BCAS3: variants seen among roughly 807,000 people sequenced by gnomAD.
The protein encoded by BCAS3 is BCAS4/BCAS3 fusion.
BCAS3 carries 53 observed loss-of-function variants against 116.1 expected under a neutral mutation model. The ratio of observed to expected loss-of-function variants is 0.46; its 90% confidence interval spans 0.37 to 0.57. The LOEUF is 0.57. Ranked by LOEUF, BCAS3 falls within the 20% of genes least tolerant of loss-of-function variation. The probability of loss-of-function intolerance (pLI) is 0.00; values close to 1 mark genes in which losing one functional copy is unlikely to be tolerated. For missense variants in BCAS3, 917 were observed against 1,165.4 expected (o/e 0.79, Z 3.10); for synonymous variants, 391 against 408.2 (o/e 0.96, Z 0.51).
intron 22 of BCAS3, among the ~76,000 whole-genome samples, chr17:61,185,658 GA>G (rs998556591): frequency 1.3e-5 from 2 of 151,094 alleles, no homozygotes; most frequent in African/African-American, 4.8e-5. Flanking sequence ...GTGCAAGACA[GA>G]AAAAAAAATC....
Position 61,241,938 on chromosome 17 carries a change from AAG to A in BCAS3, c.2426-126388_2426-126387del, listed in dbSNP as rs1783851171. Reference sequence around the variant, plus strand: ...TAAAGAGGAATCATTTCTCAGTGTTAAGTATATCTGGGACCAGAAATGGCTCT... The same window carrying A: ...TAAAGAGGAATCATTTCTCAGTGTTATATATCTGGGACCAGAAATGGCTCT... On this transcript the variant is annotated intron_variant, in intron 22 of 23. Coordinates refer to ENST00000407086, the MANE Select transcript of BCAS3 (RefSeq NM_017679.5). The surrounding 1 kb of genome is among the most constrained non-coding windows in gnomAD (Gnocchi z 4.6). 6.6e-6 allele frequency among the ~76,000 whole-genome samples: 1 copy of A among 152,164 alleles called. No individual in the cohort carries two copies. Among genetic ancestry groups the A allele is most frequent in the Admixed American group, 6.5e-5 (1 of 15,278 alleles).
Position 61,087,129 on chromosome 17 carries a change from T to C in BCAS3, c.2425+2565T>C. 2 of 985,254 alleles carry C rather than the reference T, an allele frequency of 2.0e-6. No homozygotes were observed. The highest frequency in any genetic ancestry group is 2.4e-6 in the Non-Finnish European group (2 of 829,726). 61.0% of individuals were successfully genotyped at this position (985,254 alleles called of 1,614,324 possible). A position where few individuals can be genotyped will look rare whatever the true frequency, so the allele number is the denominator to read the frequency against. On this transcript the variant is annotated intron_variant, in intron 22 of 23. Coordinates refer to ENST00000407086, the MANE Select transcript of BCAS3 (RefSeq NM_017679.5). The surrounding 1 kb of genome is among the most constrained non-coding windows in gnomAD (Gnocchi z 4.6). ...AAAAGAATCTAATAAATTTTTATAA[T>C]TGCTCTTGAACCGGGAAGTGCACCT...
At chr17:60,882,515 C>A (rs1234210070) in intron 9 of BCAS3, among the ~76,000 whole-genome samples, 2 of 151,954 alleles carry the variant, frequency 1.3e-5, no homozygotes, top group Non-Finnish European at 2.9e-5. Flanking sequence ...AAGTCCTTGC[C>A]CATGCCTATG....
chr17:60,950,566 C>G, intron 14 of BCAS3, among the ~76,000 whole-genome samples: 1 of 152,200 alleles, frequency 6.6e-6, no homozygotes, highest in Non-Finnish European at 1.5e-5. Flanking sequence ...CCACCTGGGT[C>G]TTCCACAGTG....
chr17:61,218,143 G>A (rs1412187652), intron 22 of BCAS3, among the ~76,000 whole-genome samples: 22 of 152,150 alleles, frequency 1.4e-4, no homozygotes, highest in Admixed American at 1.4e-3. Flanking sequence ...ATTAAATTGG[G>A]CATCTTACAA....
intron 23 of BCAS3, chr17:61,389,625 G>C (rs1053784526): frequency 3.3e-5 from 5 of 152,310 alleles, no homozygotes; most frequent in Non-Finnish European, 7.3e-5. Context: ...CTGGGATGCG[G>C]GGGCGAGGGA....
At chr17:60,733,683 A>G (rs1259480257) in intron 5 of BCAS3, among the ~76,000 whole-genome samples, 2 of 152,016 alleles carry the variant, frequency 1.3e-5, no homozygotes, top group African/African-American at 2.4e-5. Flanking sequence ...TCTCTACAAA[A>G]AAATTTTTAA....
intron 10 of BCAS3, 56 bp from the exon 11 acceptor site, chr17:60,902,564 G>T: frequency 7.2e-7 from 1 of 1,379,976 alleles, no homozygotes; most frequent in South Asian, 1.2e-5. Flanking sequence ...ATAGCCTGTA[G>T]AGTTAAACAG....
chr17:61,294,142 A>G (rs2144715589), intron 22 of BCAS3, among the ~76,000 whole-genome samples: 1 of 152,332 alleles, frequency 6.6e-6, no homozygotes, highest in East Asian at 1.9e-4. Flanking sequence ...CAGTCTCCAA[A>G]ATAAGTTATT....
intron 19 of BCAS3, among the ~76,000 whole-genome samples, chr17:61,061,203 A>G (rs1014369537): frequency 7.2e-5 from 11 of 152,218 alleles, no homozygotes; most frequent in Non-Finnish European, 1.3e-4. Flanking sequence ...TCTCCATGCC[A>G]GGGCAACTTT....
intron 9 of BCAS3, 22 bp from the exon 10 acceptor site, chr17:60,889,673 A>G (rs1466994560): frequency 2.5e-6 from 4 of 1,592,124 alleles, no homozygotes; most frequent in Non-Finnish European, 2.6e-6. Context: ...ATTTCTCAAT[A>G]GTGCCATTTG....
Position 61,122,851 on chromosome 17 carries a change from G to C in BCAS3, c.2425+38287G>C, listed in dbSNP as rs2075854836. Among the ~76,000 whole-genome samples the C allele has an allele frequency of 6.6e-6, 1 of 152,010 alleles. No individual in the cohort carries two copies. Among genetic ancestry groups the C allele is most frequent in the Non-Finnish European group, 1.5e-5 (1 of 68,010 alleles). On this transcript the variant is annotated intron_variant, in intron 22 of 23. Transcript: ENST00000407086. The surrounding 1 kb of genome is among the most constrained non-coding windows in gnomAD (Gnocchi z 4.6). The stretch of plus-strand genomic sequence containing the variant: ...GGCTATTGGAATTCACATACAGTTT[G>C]CATTTACTTTGATTTATGTTTAAAT...
rs540258691 is a variant in BCAS3 at position 60,946,996 on chromosome 17, A to C, written c.1088-223A>C. ...GCTAGTTTTACAGGAATGCCATAAT[A>C]CTTGCACATCTAGTGTTTATACCTT... On this transcript the variant is annotated intron_variant, in intron 13 of 23. Transcript: ENST00000407086. Among the ~76,000 whole-genome samples the C allele has an allele frequency of 2.0e-5, 3 of 152,352 alleles. No individual in the cohort carries two copies. In the East Asian group the frequency reaches 5.8e-4, roughly 29 times the overall value.
chr17:61,356,410 A>G lies in BCAS3; in HGVS notation c.2426-11917A>G, dbSNP rs2058143105. Among the ~76,000 whole-genome samples the G allele has an allele frequency of 6.6e-6, 1 of 152,252 alleles. No homozygotes were observed. Among genetic ancestry groups the G allele is most frequent in the African/African-American group, 2.4e-5 (1 of 41,456 alleles). ...GAAGAGTAAAGGGTCTCTGGCGTCC[A>G]GTCTGGGAATGCCAGCTTCAGCCTG... is the stretch of plus-strand genomic sequence containing the variant. On this transcript the variant is annotated intron_variant, in intron 22 of 23. Transcript: ENST00000407086. The surrounding 1 kb of genome is among the most constrained non-coding windows in gnomAD (Gnocchi z 5.4).
chr17:60,916,982 T>A (rs1012248364), intron 12 of BCAS3, among the ~76,000 whole-genome samples: 9 of 152,228 alleles, frequency 5.9e-5, no homozygotes, highest in African/African-American at 2.2e-4. Context: ...GTGCATTCAC[T>A]TTGTAAAAGA....
intron 5 of BCAS3, among the ~76,000 whole-genome samples, chr17:60,738,285 C>T (rs528730081): frequency 6.6e-6 from 1 of 152,268 alleles, no homozygotes; most frequent in East Asian, 1.9e-4. Context: ...TGGATCTGTT[C>T]GTTTCAGATA....
chr17:60,825,165 C>CAAA (rs796973382), intron 7 of BCAS3, among the ~76,000 whole-genome samples: 10 of 110,292 alleles, frequency 9.1e-5, no homozygotes, highest in Admixed American at 2.0e-4. Context: ...GAACCTGTCT[C>CAAA]AAAAAAAAAA....
At chr17:60,975,026 G>A (rs997052237) in intron 14 of BCAS3, among the ~76,000 whole-genome samples, 1 of 142,820 alleles carries the variant, frequency 7.0e-6, no homozygotes, top group East Asian at 2.0e-4. Flanking sequence ...ACGGAGTCTC[G>A]CTCTGTCGCC....
intron 22 of BCAS3, among the ~76,000 whole-genome samples, chr17:61,172,576 G>A (rs1200883067): frequency 2.0e-5 from 3 of 152,246 alleles, no homozygotes; most frequent in African/African-American, 7.2e-5. Context: ...GGCAGAGCTT[G>A]CAGTGAGCTG....
Sources: gnomAD v4.1 joint callset for allele counts (sites outside exome capture counted in the v4.1 genomes callset) on GRCh38, gnomAD v4.1.1 for gene constraint, Gnocchi (gnomAD v3.1) non-coding constraint, MANE v1.5 for transcripts, NCBI Gene and HGNC (gene_info 2026-07-23, HGNC 2026-07-21) for gene names.